Variants in AUTS2 observed in about 807,000 individuals in gnomAD.
AUTS2 encodes the protein activator of transcription and developmental regulator AUTS2.
Under a neutral mutation model 112.4 loss-of-function variants are expected in AUTS2, and 17 were observed. That is an observed-to-expected ratio of 0.15 (90% CI 0.10 to 0.23). The LOEUF (loss-of-function observed/expected upper bound fraction) is 0.23, where lower values mean the gene tolerates loss of function less well. AUTS2 is among the 10% of genes least tolerant of loss of function. AUTS2 has a pLI of 1.00. For synonymous variants in AUTS2, 751 were observed against 702.7 expected (o/e 1.07, Z -1.09); for missense variants, 1,510 against 1,701.6 (o/e 0.89, Z 1.98).
chr7:70,697,892 T>G (rs1809215346), intron 5 of AUTS2, among the ~76,000 whole-genome samples: 1 of 152,260 alleles, frequency 6.6e-6, no homozygotes, highest in African/African-American at 2.4e-5. Flanking sequence ...TTAGTTTTAC[T>G]GTTTAAACAG....
At chr7:70,311,765 G>A (rs981537862) in intron 4 of AUTS2, among the ~76,000 whole-genome samples, 14 of 152,044 alleles carry the variant, frequency 9.2e-5, no homozygotes, top group African/African-American at 3.4e-4. Context: ...TGCCCAGGCT[G>A]GAGTGCAGTG....
At chr7:69,790,013 G>A (rs55772034) in intron 1 of AUTS2, among the ~76,000 whole-genome samples, 2,173 of 152,114 alleles carry the variant, frequency 0.014, 22 homozygotes, top group Middle Eastern at 0.037. Flanking sequence ...GGGCCCAGTG[G>A]ATCACACCTG....
At chr7:69,921,474 T>C (rs564231649) in intron 2 of AUTS2, among the ~76,000 whole-genome samples, 2 of 151,902 alleles carry the variant, frequency 1.3e-5, no homozygotes, top group East Asian at 3.9e-4. Context: ...GCTATTAAGA[T>C]TAGTAAACGT....
At chr7:69,762,041 C>G (rs1343927119) in intron 1 of AUTS2, among the ~76,000 whole-genome samples, 1 of 152,160 alleles carries the variant, frequency 6.6e-6, no homozygotes, top group East Asian at 1.9e-4. Flanking sequence ...AATTTATATC[C>G]TAGTGGACTA....
intron 6 of AUTS2, among the ~76,000 whole-genome samples, chr7:70,731,299 A>G (rs1217913497): frequency 6.6e-6 from 1 of 150,856 alleles, no homozygotes; most frequent in Non-Finnish European, 1.5e-5. Context: ...TTCATTCCAA[A>G]TGACGGTCAA....
chr7:70,357,515 C>T (rs187079889), intron 4 of AUTS2, among the ~76,000 whole-genome samples: 206 of 152,306 alleles, frequency 1.4e-3, no homozygotes, highest in Middle Eastern at 0.01. Flanking sequence ...GCCAGAACAA[C>T]ATGTCTCCCA....
intron 5 of AUTS2, among the ~76,000 whole-genome samples, chr7:70,638,984 T>C (rs1200827939): frequency 6.6e-6 from 1 of 152,184 alleles, no homozygotes; most frequent in East Asian, 1.9e-4. Flanking sequence ...AACAGCTGAC[T>C]AACACACATC....
At chr7:70,234,694 A>G (rs1053648243) in intron 4 of AUTS2, among the ~76,000 whole-genome samples, 7 of 152,094 alleles carry the variant, frequency 4.6e-5, no homozygotes, top group African/African-American at 1.7e-4. Context: ...GTATTTGGCT[A>G]TTTGTATTGG....
At chr7:70,014,779 T>C (rs952426743) in intron 2 of AUTS2, among the ~76,000 whole-genome samples, 6 of 152,232 alleles carry the variant, frequency 3.9e-5, no homozygotes, top group African/African-American at 1.4e-4. Flanking sequence ...TTTCTGGGGC[T>C]GGTACAGGAT....
At chr7:69,983,136 C>T (rs1370313367) in intron 2 of AUTS2, among the ~76,000 whole-genome samples, 2 of 152,184 alleles carry the variant, frequency 1.3e-5, no homozygotes, top group East Asian at 1.9e-4. Flanking sequence ...CTATTATAAA[C>T]GGAACATTGA....
intron 2 of AUTS2, among the ~76,000 whole-genome samples, chr7:69,934,539 C>T (rs1013878076): frequency 3.3e-5 from 5 of 152,114 alleles, no homozygotes; most frequent in African/African-American, 1.2e-4. Flanking sequence ...TGTCTAGTGT[C>T]TAATCTTGGC....
chr7:70,468,944 A>G (rs976497918), intron 5 of AUTS2, among the ~76,000 whole-genome samples: 1 of 152,206 alleles, frequency 6.6e-6, no homozygotes, highest in South Asian at 2.1e-4. Flanking sequence ...TGAACTGACC[A>G]AGTTGATGGT....
chr7:70,655,215 C>A (rs1453286598), intron 5 of AUTS2, among the ~76,000 whole-genome samples: 1 of 152,212 alleles, frequency 6.6e-6, no homozygotes, highest in Non-Finnish European at 1.5e-5. Flanking sequence ...CAGCCAAGAA[C>A]CATGACAGGC....
In AUTS2 at chr7:69,892,237, A is replaced by G. The variant is rs185199759; in HGVS notation, c.310-7049A>G. ...GCCCAGGCTGGAGTGCAGTGGTGCA[A>G]TCTCGGCTCACTGCAACCTCCACCT... On this transcript the variant is annotated intron_variant, in intron 1 of 18. Coordinates refer to ENST00000342771, the MANE Select transcript of AUTS2 (RefSeq NM_015570.4). 2.3e-3 allele frequency among the ~76,000 whole-genome samples: 343 copies of G among 148,276 alleles called. 2 individuals carry two copies. The highest frequency in any genetic ancestry group is 3.7e-3 in the Middle Eastern group (1 of 272).
chr7:69,607,437 A>C (rs1792790622), intron 1 of AUTS2, among the ~76,000 whole-genome samples: 1 of 152,232 alleles, frequency 6.6e-6, no homozygotes, highest in Non-Finnish European at 1.5e-5. Context: ...GACATTGTGT[A>C]TGAAACGCAG....
chr7:69,799,393 T>C (rs1347973082), intron 1 of AUTS2, among the ~76,000 whole-genome samples: 2 of 152,130 alleles, frequency 1.3e-5, no homozygotes, highest in Non-Finnish European at 2.9e-5. Flanking sequence ...TCTGAGTATC[T>C]GGGACCACAG....
At chr7:69,910,208 G>A (rs1795297629) in intron 2 of AUTS2, among the ~76,000 whole-genome samples, 1 of 152,200 alleles carries the variant, frequency 6.6e-6, no homozygotes, top group African/African-American at 2.4e-5. Context: ...GGAGTATATT[G>A]GTGTCATGGG....
At chr7:69,683,279 G>C (rs944183428) in intron 1 of AUTS2, among the ~76,000 whole-genome samples, 1 of 152,184 alleles carries the variant, frequency 6.6e-6, no homozygotes, top group Non-Finnish European at 1.5e-5. Flanking sequence ...CTACCTGGCT[G>C]GTCGCCATGA....
intron 4 of AUTS2, among the ~76,000 whole-genome samples, chr7:70,382,142 T>G (rs1384037456): frequency 6.6e-6 from 1 of 152,200 alleles, no homozygotes; most frequent in Non-Finnish European, 1.5e-5. Context: ...TAATCTCCTC[T>G]TCTCTCCAAA....
Sources: gnomAD v4.1 joint callset for allele counts (sites outside exome capture counted in the v4.1 genomes callset) on GRCh38, gnomAD v4.1.1 for gene constraint, MANE v1.5 for transcripts, NCBI Gene and HGNC (gene_info 2026-07-23, HGNC 2026-07-21) for gene names.